Variants in LAP3 observed in about 807,000 individuals in gnomAD.
LAP3 encodes the protein leucine aminopeptidase 3.
Under a neutral mutation model 58.8 loss-of-function variants are expected in LAP3, and 46 were observed. The observed-to-expected ratio is 0.78, with a 90% CI of 0.62 to 1.00. LAP3 has a LOEUF of 1.00. LAP3 is among the 50% of genes least tolerant of loss of function. The pLI, the probability that LAP3 is intolerant of heterozygous loss-of-function variation, is 0.00. For synonymous variants in LAP3, 257 were observed against 237.7 expected, an observed-to-expected ratio of 1.08 and a Z score of -0.75; for missense variants, 615 against 659.1, an observed-to-expected ratio of 0.93 and a Z score of 0.73.
chr4:17,593,280 G>A (rs995950099), intron 7 of LAP3, among the ~76,000 whole-genome samples: 2 of 151,826 alleles, frequency 1.3e-5, no homozygotes, highest in Admixed American at 6.6e-5. Flanking sequence ...GAATCTTTGT[G>A]TATGGTGTGA....
intron 11 of LAP3, among the ~76,000 whole-genome samples, chr4:17,605,002 G>A (rs551609973): frequency 1.9e-4 from 29 of 152,136 alleles, no homozygotes; most frequent in African/African-American, 6.7e-4. Flanking sequence ...ACTGCGTGTC[G>A]TGAGTCATAT....
At chr4:17,595,357 A>G in intron 7 of LAP3, 53 bp from the exon 8 acceptor site, 1 of 1,595,764 alleles carries the variant, frequency 6.3e-7, no homozygotes, top group African/African-American at 1.3e-5. Flanking sequence ...AAATAAAGTG[A>G]TTTTGGCCAT....
In LAP3 at chr4:17,595,473, T is replaced by C. The variant is rs1713807294; in HGVS notation, c.927T>C (p.Ala309=). ...MDLMRADMGG[A]ATICSAIVSA... Reference sequence around the variant, plus strand: ...TCATGAGGGCTGACATGGGAGGAGCTGCAACTATATGCTCAGCCATCGTGT... The same window carrying C: ...TCATGAGGGCTGACATGGGAGGAGCCGCAACTATATGCTCAGCCATCGTGT... Residue 309 remains alanine (A), a synonymous_variant, in exon 8 of 13, where the codon GCT becomes GCC. Coordinates refer to ENST00000226299, the MANE Select transcript of LAP3 (RefSeq NM_015907.3). 1.2e-6 allele frequency: 2 copies of C among 1,613,996 alleles called. No individual in the cohort carries two copies. The highest frequency in any genetic ancestry group is 1.7e-6 in the Non-Finnish European group (2 of 1,179,900).
chr4:17,582,039 T>G, intron 3 of LAP3: 3 of 595,408 alleles, frequency 5.0e-6, no homozygotes, highest in Non-Finnish European at 8.9e-6. Flanking sequence ...GGCTCTGGCT[T>G]ACACAGAATT....
In LAP3 at chr4:17,581,871, A is replaced by G. The variant is rs923819551; in HGVS notation, c.273+57A>G. ...CTCAATGAGCATCTACTGTACACCA[A>G]GTATTGGGGCTGTCTAGTCATACTA... On this transcript the variant is annotated intron_variant, in intron 3 of 12. Transcript: ENST00000226299. The G allele has an allele frequency of 3.8e-6, 5 of 1,320,522 alleles. No individual in the cohort carries two copies. The African/African-American group carries it at 7.3e-5, about 19-fold the overall frequency. The allele number at this position is 1,320,522 out of a possible 1,614,324, so 81.8% of individuals were successfully genotyped here.
chr4:17,593,380 A>G (rs1333559988), intron 7 of LAP3, among the ~76,000 whole-genome samples: 1 of 151,444 alleles, frequency 6.6e-6, no homozygotes, highest in East Asian at 1.9e-4. Flanking sequence ...TCCTTTCCCC[A>G]CTAGACTACC....
At chr4:17,601,774 T>C (rs1006271872) in intron 10 of LAP3, among the ~76,000 whole-genome samples, 2 of 152,078 alleles carry the variant, frequency 1.3e-5, no homozygotes, top group South Asian at 2.1e-4. Context: ...CTGTATTGTT[T>C]AGGGAATAAT....
chr4:17,594,621 T>G (rs528009720), intron 7 of LAP3, among the ~76,000 whole-genome samples: 57 of 152,232 alleles, frequency 3.7e-4, no homozygotes, highest in African/African-American at 1.3e-3. Flanking sequence ...GGTCAGGTAG[T>G]TTGGTTTCTT....
chr4:17,602,521 A>G (rs1280061888), intron 10 of LAP3, among the ~76,000 whole-genome samples: 1 of 152,208 alleles, frequency 6.6e-6, no homozygotes, highest in East Asian at 1.9e-4. Context: ...TAAAGATGAA[A>G]CAAGTAAATA....
chr4:17,582,109 C>G (rs955274275), intron 3 of LAP3, 179 bp from the exon 4 acceptor site: 6 of 620,324 alleles, frequency 9.7e-6, no homozygotes, highest in Non-Finnish European at 1.4e-5. Context: ...ACAATTTTGC[C>G]AGGACACAAA....
At chr4:17,607,152 T>TG (rs1714161681) in intron 12 of LAP3, among the ~76,000 whole-genome samples, 1 of 152,156 alleles carries the variant, frequency 6.6e-6, no homozygotes, top group Non-Finnish European at 1.5e-5. Flanking sequence ...TTTCAATAAA[T>TG]GGTAAGGGAA....
At chr4:17,582,474 C>A in intron 4 of LAP3, 81 bp downstream of exon 4, 1 of 1,031,652 alleles carries the variant, frequency 9.7e-7, no homozygotes, top group Non-Finnish European at 1.5e-6. Context: ...TGTCCTTTTA[C>A]CAGTTGCCAC....
At chr4:17,585,191 A>G (rs1430097393) in intron 6 of LAP3, 55 bp downstream of exon 6, 1 of 1,445,770 alleles carries the variant, frequency 6.9e-7, no homozygotes. Context: ...GGAGCCCTTG[A>G]GATCCTAAAA....
chr4:17,590,123 A>G (rs183262455), intron 7 of LAP3, among the ~76,000 whole-genome samples: 141 of 152,316 alleles, frequency 9.3e-4, no homozygotes, highest in African/African-American at 2.8e-3. Context: ...AGAGAAACCC[A>G]TGAGGGGTTT....
Position 17,607,582 on chromosome 4 carries a change from A to C in LAP3, c.1553A>C (p.Asn518Thr). 1 of 1,611,522 alleles carries C rather than the reference A, an allele frequency of 6.2e-7. No individual in the cohort carries two copies. The highest frequency in any genetic ancestry group is 8.5e-7 in the Non-Finnish European group (1 of 1,179,184). The change falls in exon 13 of 13, where the codon AAT becomes ACT. Residue 518 changes from asparagine (N) to threonine (T), a missense_variant. By Grantham distance (65) the Asn-to-Thr change is moderately conservative. Coordinates refer to ENST00000226299, the MANE Select transcript of LAP3 (RefSeq NM_015907.3). ...TTCTTACTTCGTTTCAGTCAAGACA[A>C]TGCTTAGTTCAGATACTCAAAAATG... is the stretch of plus-strand genomic sequence containing the variant. ...IEFLLRFSQD[N>T]A is the part of the protein sequence containing the mutation.
chr4:17,590,272 C>T (rs902480383), intron 7 of LAP3, among the ~76,000 whole-genome samples: 37 of 152,184 alleles, frequency 2.4e-4, no homozygotes, highest in Non-Finnish European at 4.7e-4. Flanking sequence ...GCTAGAGAAC[C>T]ATACGATGTT....
At chr4:17,581,478 C>T (rs1010055034) in intron 2 of LAP3, among the ~76,000 whole-genome samples, 23 of 151,966 alleles carry the variant, frequency 1.5e-4, no homozygotes, top group Admixed American at 3.9e-4. Context: ...CTGTATTACA[C>T]CTGTAATCCT....
At chr4:17,584,509 A>T (rs976477212) in intron 5 of LAP3, among the ~76,000 whole-genome samples, 9 of 152,208 alleles carry the variant, frequency 5.9e-5, no homozygotes, top group Non-Finnish European at 1.2e-4. Context: ...GCCCCGACTT[A>T]GGTAAAAGAA....
In LAP3 at chr4:17,607,457, G is replaced by C. The variant is rs138517381; in HGVS notation, c.1428G>C (p.Lys476Asn). The C allele has an allele frequency of 7.2e-5, 116 of 1,614,022 alleles. 1 individual carries two copies. In the African/African-American group the frequency reaches 1.3e-3, roughly 18 times the overall value. Reference protein sequence around the residue: ...AFLKEFVTHPKWAHLDIAGVM... With the variant: ...AFLKEFVTHPNWAHLDIAGVM... ...TGAAAGAATTCGTAACTCATCCTAA[G>C]TGGGCACATTTAGACATAGCAGGCG... The change falls in exon 13 of 13, where the codon AAG (lysine) becomes AAC (asparagine). Residue 476 changes from lysine to asparagine, a missense_variant. By Grantham distance (94) the Lys-to-Asn change is moderately conservative. Transcript: ENST00000226299.
Sources: allele counts gnomAD v4.1 joint callset (sites outside exome capture counted in the v4.1 genomes callset), GRCh38; gene constraint gnomAD v4.1.1; transcripts MANE v1.5; gene names NCBI Gene and HGNC (gene_info 2026-07-23, HGNC 2026-07-21).